The following MICAL3 variants were observed in gnomAD, a reference collection of about 807,000 sequenced individuals.
MICAL3 encodes the protein [F-actin]-monooxygenase MICAL3.
MICAL3 carries 62 observed loss-of-function variants against 207.4 expected under a neutral mutation model. The observed-to-expected ratio is 0.30, with a 90% CI of 0.24 to 0.37. The LOEUF is 0.37. Ranked by LOEUF, MICAL3 falls within the 10% of genes least tolerant of loss-of-function variation. The pLI, the probability that MICAL3 is intolerant of heterozygous loss-of-function variation, is 1.00. For synonymous variants in MICAL3, 1,077 were observed against 1,069.3 expected, an observed-to-expected ratio of 1.01 and a Z score of -0.14; for missense variants, 2,368 against 2,635.6, an observed-to-expected ratio of 0.90 and a Z score of 2.22.
chr22:17,844,089 G>A (rs975621609), intron 19 of MICAL3, among the ~76,000 whole-genome samples: 8 of 152,038 alleles, frequency 5.3e-5, no homozygotes, highest in African/African-American at 1.2e-4. Flanking sequence ...CTCGTGATCC[G>A]CCCGCCTCGG....
chr22:17,870,285 A>T (rs1314350555), intron 17 of MICAL3, among the ~76,000 whole-genome samples: 4 of 152,090 alleles, frequency 2.6e-5, no homozygotes, highest in Admixed American at 2.0e-4. Context: ...CTCAAAGTCT[A>T]GCCAAGGGTC....
intron 18 of MICAL3, among the ~76,000 whole-genome samples, chr22:17,865,489 C>T (rs1017458757): frequency 2.6e-5 from 4 of 152,224 alleles, no homozygotes; most frequent in Admixed American, 6.5e-5. Flanking sequence ...GCAGGCAGGG[C>T]GCCCTTTGGG....
chr22:17,809,314 A>G (rs1212473269), intron 28 of MICAL3, among the ~76,000 whole-genome samples: 1 of 152,240 alleles, frequency 6.6e-6, no homozygotes, highest in South Asian at 2.1e-4. Context: ...TGAAGAGTGC[A>G]GTGGAAATCC....
At chr22:17,866,281 G>A (rs1927101146) in intron 17 of MICAL3, among the ~76,000 whole-genome samples, 1 of 152,246 alleles carries the variant, frequency 6.6e-6, no homozygotes, top group South Asian at 2.1e-4. Flanking sequence ...AGTGCCCAGA[G>A]CAAAGATGTG....
chr22:17,816,770 G>A lies in MICAL3; in HGVS notation c.5365C>T (p.Arg1789Cys), dbSNP rs1048838166. Residue 1789 changes from arginine (R) to cysteine (C), a missense_variant, in exon 27 of 32, where the codon CGC becomes TGC. Physicochemically the swap from Arg to Cys is radical, Grantham distance 180. Coordinates refer to ENST00000441493, the MANE Select transcript of MICAL3 (RefSeq NM_015241.3). Reference protein sequence around the residue: ...PVVRAELQLRRQLSFSEDSDL... With the variant: ...PVVRAELQLRCQLSFSEDSDL... Reference sequence around the variant, plus strand: ...GAGTCCTCGGAGAAGCTCAGCTGGCGCCGGAGCTGCAGCTCTGTGGAGAGA... The same window carrying A: ...GAGTCCTCGGAGAAGCTCAGCTGGCACCGGAGCTGCAGCTCTGTGGAGAGA... The A allele has an allele frequency of 9.0e-6, 14 of 1,550,404 alleles. No individual in the cohort carries two copies. The East Asian group carries it at 1.7e-4, about 19-fold the overall frequency.
At chr22:17,909,157 G>A (rs1018841651) in intron 1 of MICAL3, among the ~76,000 whole-genome samples, 1 of 152,160 alleles carries the variant, frequency 6.6e-6, no homozygotes, top group Non-Finnish European at 1.5e-5. Flanking sequence ...ATTGCAGATG[G>A]AACACACTGG....
rs555041601 is a variant in MICAL3 at position 17,804,731 on chromosome 22, T to C, written c.5650+4113A>G. Among the ~76,000 whole-genome samples, 3 of 152,288 alleles carry C rather than the reference T, an allele frequency of 2.0e-5. No homozygotes were observed. The East Asian group carries it at 5.8e-4, about 29-fold the overall frequency. On this transcript the variant is annotated intron_variant, in intron 29 of 31. Coordinates refer to ENST00000441493, the MANE Select transcript of MICAL3 (RefSeq NM_015241.3). ...AGCACAGCACTCGGCCGCCATGGTG[T>C]TGCCCTCTCTCCAAACCCCGCATTC... is the stretch of plus-strand genomic sequence containing the variant.
rs115461048 is a variant in MICAL3, at chr22:17,900,446, C to T, written c.847+396G>A. ...CGAAACTCCGTCTCTACAAGTAATA[C>T]GAAAAATTAGCCAGGCATGGTGGAG... On this transcript the variant is annotated intron_variant, in intron 6 of 31. Transcript: ENST00000441493. This position sits in a 1 kb window ranked among gnomAD's most constrained non-coding sequence, Gnocchi z 4.0. 0.015 allele frequency among the ~76,000 whole-genome samples: 2,313 copies of T among 152,116 alleles called. 60 individuals carry two copies. The highest frequency in any genetic ancestry group is 0.048 in the African/African-American group (1,989 of 41,496).
In MICAL3 at chr22:17,796,834, C is replaced by T. The variant is rs1287584321; in HGVS notation, c.5651-5533G>A. On this transcript the variant is annotated intron_variant, in intron 29 of 31. Coordinates refer to ENST00000441493, the MANE Select transcript of MICAL3 (RefSeq NM_015241.3). The surrounding 1 kb of genome is among the most constrained non-coding windows in gnomAD (Gnocchi z 4.4). ...GGTACCCCCTACACTACCACCTGGC[C>T]CTTGGCGCACCCGAGCACCTCACTC... 1.3e-5 allele frequency among the ~76,000 whole-genome samples: 2 copies of T among 152,178 alleles called. No individual in the cohort carries two copies. Among genetic ancestry groups the T allele is most frequent in the Non-Finnish European group, 2.9e-5 (2 of 68,032 alleles).
chr22:17,910,544 T>C (rs1468101985), intron 1 of MICAL3, among the ~76,000 whole-genome samples: 3 of 152,322 alleles, frequency 2.0e-5, no homozygotes, highest in East Asian at 3.9e-4. Context: ...TGCAGGGCAC[T>C]GGTGACAATG....
At chr22:17,801,578 C>T (rs546575522) in intron 29 of MICAL3, among the ~76,000 whole-genome samples, 33 of 152,206 alleles carry the variant, frequency 2.2e-4, no homozygotes, top group Non-Finnish European at 3.8e-4. Context: ...TCTTCTCACT[C>T]GAGCAAGGGC....
At chr22:17,877,108 T>TGGAGGTTAG (rs201359758) in intron 16 of MICAL3, among the ~76,000 whole-genome samples, 1 of 99,888 alleles carries the variant, frequency 1.0e-5, no homozygotes, top group Non-Finnish European at 2.0e-5. Flanking sequence ...AGGGAGGTTA[T>TGGAGGTTAG]GGAGGTTAGG....
chr22:17,804,946 C>T (rs2061975437), intron 29 of MICAL3, among the ~76,000 whole-genome samples: 1 of 152,172 alleles, frequency 6.6e-6, no homozygotes, highest in Admixed American at 6.6e-5. Context: ...TGTGGCCTGG[C>T]CCTAGGATCA....
intron 1 of MICAL3, among the ~76,000 whole-genome samples, chr22:18,022,448 A>G (rs1332707922): frequency 6.7e-6 from 1 of 148,802 alleles, no homozygotes; most frequent in African/African-American, 2.5e-5. Flanking sequence ...TTTTCTTTTG[A>G]GACAGAGTCT....
chr22:17,997,469 C>T (rs1277393542), intron 1 of MICAL3, among the ~76,000 whole-genome samples: 1 of 152,138 alleles, frequency 6.6e-6, no homozygotes, highest in Non-Finnish European at 1.5e-5. Context: ...ATGAATGCTT[C>T]TAGCAAAGGA....
At chr22:17,843,792 G>A (rs547578090) in intron 19 of MICAL3, among the ~76,000 whole-genome samples, 35 of 152,260 alleles carry the variant, frequency 2.3e-4, no homozygotes, top group African/African-American at 4.3e-4. Flanking sequence ...GCGAACAGTC[G>A]TTACTGAGAA....
At chr22:18,016,020 A>T (rs1218308602) in intron 1 of MICAL3, among the ~76,000 whole-genome samples, 3 of 152,180 alleles carry the variant, frequency 2.0e-5, no homozygotes, top group African/African-American at 7.2e-5. Flanking sequence ...CTTTATTGGG[A>T]TAAATTCCTG....
intron 1 of MICAL3, among the ~76,000 whole-genome samples, chr22:18,014,100 C>T (rs993517223): frequency 1.4e-5 from 2 of 147,338 alleles, no homozygotes; most frequent in African/African-American, 5.0e-5. Flanking sequence ...CCCGACCTCT[C>T]TCTCTCCCTC....
chr22:17,922,714 T>C (rs911064929), intron 1 of MICAL3, among the ~76,000 whole-genome samples: 2 of 152,162 alleles, frequency 1.3e-5, no homozygotes, highest in Non-Finnish European at 2.9e-5. Flanking sequence ...AGCACAGCCT[T>C]GTTCCAGGAG....
Sources: gnomAD v4.1 joint callset for allele counts (sites outside exome capture counted in the v4.1 genomes callset) on GRCh38, gnomAD v4.1.1 for gene constraint, Gnocchi (gnomAD v3.1) non-coding constraint, MANE v1.5 for transcripts, NCBI Gene and HGNC (gene_info 2026-07-23, HGNC 2026-07-21) for gene names.